The following ABHD18 variants were observed in gnomAD, a reference collection of about 807,000 sequenced individuals.
ABHD18 encodes cardiolipin-specific deacylase, mitochondrial.
ABHD18 carries 55 observed loss-of-function variants against 65.9 expected under a neutral mutation model. The observed-to-expected ratio is 0.84, with a 90% CI of 0.67 to 1.05. The LOEUF (loss-of-function observed/expected upper bound fraction) is 1.05, where lower values mean the gene tolerates loss of function less well. Ranked by LOEUF, ABHD18 falls within the 50% of genes least tolerant of loss-of-function variation. ABHD18 has a pLI of 0.00. For missense variants in ABHD18, 533 were observed against 558.5 expected, an observed-to-expected ratio of 0.95 and a Z score of 0.46; for synonymous variants, 181 against 180.2, an observed-to-expected ratio of 1.00 and a Z score of -0.04.
intron 1 of ABHD18, among the ~76,000 whole-genome samples, chr4:127,967,407 G>GA (rs1441479472): frequency 1.3e-5 from 2 of 152,132 alleles, no homozygotes; most frequent in Admixed American, 6.6e-5. Flanking sequence ...CTTCTTATGG[G>GA]AAAAAATGGC....
In ABHD18 at chr4:127,983,022, TG is replaced by T; in HGVS notation, c.71del (p.Gly24GlufsTer15). On this transcript the variant is annotated frameshift_variant, in exon 2 of 13. Transcript: ENST00000645843. LOFTEE classifies it high-confidence loss of function. Reference protein sequence around the residue: ...LLLTKLFIRGWGRPEDLKRLF... With the variant: ...LLLTKLFIRGXGRPEDLKRLF... ...CCTAACAAAACTTTTTATCAGAGGA[TG>T]GGGAAGGCCAGAAGATCTCAAAAGG... The T allele has an allele frequency of 1.3e-6, 2 of 1,559,640 alleles. No individual in the cohort carries two copies. Among genetic ancestry groups the T allele is most frequent in the Non-Finnish European group, 1.7e-6 (2 of 1,150,604 alleles).
chr4:127,973,571 T>A (rs1747268917), intron 1 of ABHD18, among the ~76,000 whole-genome samples: 1 of 152,052 alleles, frequency 6.6e-6, no homozygotes, highest in South Asian at 2.1e-4. Flanking sequence ...GTGATCCCCT[T>A]CCTTGAGTTT....
intron 1 of ABHD18, among the ~76,000 whole-genome samples, chr4:127,978,324 TA>T (rs1456969525): frequency 6.6e-6 from 1 of 152,022 alleles, no homozygotes; most frequent in African/African-American, 2.4e-5. Context: ...AAATGGTTAG[TA>T]AAGAGAAGAA....
intron 1 of ABHD18, among the ~76,000 whole-genome samples, chr4:127,973,161 AC>A (rs1299259105): frequency 6.6e-6 from 1 of 151,992 alleles, no homozygotes; most frequent in African/African-American, 2.4e-5. Context: ...CTACACAGGC[AC>A]ACACCACCAC....
chr4:127,998,634 G>A (rs1033858097), intron 4 of ABHD18, among the ~76,000 whole-genome samples: 3 of 151,380 alleles, frequency 2.0e-5, no homozygotes, highest in Non-Finnish European at 4.4e-5. Flanking sequence ...AGCCTCCCAA[G>A]TAGCTGGGAC....
At chr4:128,006,040 G>T (rs192834339) in intron 4 of ABHD18, among the ~76,000 whole-genome samples, 1 of 152,066 alleles carries the variant, frequency 6.6e-6, no homozygotes, top group East Asian at 1.9e-4. Flanking sequence ...GCCCTAATTT[G>T]GCTTATGCTT....
Position 127,984,218 on chromosome 4 carries a change from A to G in ABHD18, c.93-121A>G, listed in dbSNP as rs1301314141. 14 of 527,996 alleles carry G rather than the reference A, an allele frequency of 2.7e-5. No homozygotes were observed. In the East Asian group the frequency reaches 4.2e-4, roughly 16 times the overall value. The allele number at this position is 527,996 out of a possible 1,614,324, so 32.7% of individuals were successfully genotyped here. On this transcript the variant is annotated intron_variant, in intron 2 of 12. Coordinates refer to ENST00000645843, the MANE Select transcript of ABHD18 (RefSeq NM_001358451.3). ...CTTCAGTGATCAAAATTAAATTTTA[A>G]TATGGCTTATGAACTGGATTTGCTA...
chr4:128,022,312 A>G (rs562668584), intron 10 of ABHD18, among the ~76,000 whole-genome samples: 483 of 152,328 alleles, frequency 3.2e-3, no homozygotes, highest in Non-Finnish European at 5.6e-3. Flanking sequence ...AATTTATTTC[A>G]TGAAGAATTT....
chr4:128,008,390 G>T (rs1471469697), intron 4 of ABHD18, among the ~76,000 whole-genome samples: 2 of 142,906 alleles, frequency 1.4e-5, no homozygotes. Context: ...TCCTGCCTCA[G>T]CCTCCTGAGT....
chr4:128,018,469 C>CA (rs1190604585), intron 8 of ABHD18, among the ~76,000 whole-genome samples: 5 of 151,476 alleles, frequency 3.3e-5, no homozygotes, highest in South Asian at 2.1e-4. Context: ...CCTGTCTCTA[C>CA]AAAAAAAATT....
chr4:128,024,164 C>A (rs543808478), intron 10 of ABHD18, among the ~76,000 whole-genome samples: 2 of 152,250 alleles, frequency 1.3e-5, no homozygotes, highest in African/African-American at 4.8e-5. Flanking sequence ...TGAGTGCCTT[C>A]TTGCTGCATT....
At chr4:128,011,427 C>A (rs1040561192) in intron 6 of ABHD18, among the ~76,000 whole-genome samples, 1 of 150,446 alleles carries the variant, frequency 6.6e-6, no homozygotes, top group African/African-American at 2.4e-5. Flanking sequence ...GGATTACAGG[C>A]GTGAGCCACC....
rs1279946828 is a variant in ABHD18, at chr4:128,005,240, T to C, written c.279-3680T>C. On this transcript the variant is annotated intron_variant, in intron 4 of 12. Transcript: ENST00000645843. Reference sequence around the variant, plus strand: ...GAGACTCTGTCTCAAAAAAAAATTGTACATATCCAAAACATGTTGAAACTT... The same window carrying C: ...GAGACTCTGTCTCAAAAAAAAATTGCACATATCCAAAACATGTTGAAACTT... Among the ~76,000 whole-genome samples, 8 of 152,172 alleles carry C rather than the reference T, an allele frequency of 5.3e-5. No homozygotes were observed. The East Asian group carries it at 1.5e-3, about 29-fold the overall frequency.
intron 2 of ABHD18, among the ~76,000 whole-genome samples, chr4:127,983,372 A>C (rs569238117): frequency 5.3e-5 from 8 of 152,356 alleles, no homozygotes; most frequent in Admixed American, 5.2e-4. Context: ...GTCTTCTTAG[A>C]TAACCCGAAT....
chr4:127,967,814 AGAG>A (rs1745946342), intron 1 of ABHD18, among the ~76,000 whole-genome samples: 1 of 152,136 alleles, frequency 6.6e-6, no homozygotes, highest in Non-Finnish European at 1.5e-5. Context: ...CCCATGGAAA[AGAG>A]GAGCTAAATT....
intron 1 of ABHD18, among the ~76,000 whole-genome samples, chr4:127,970,902 CTG>C (rs772929628): frequency 3.3e-5 from 5 of 152,026 alleles, no homozygotes; most frequent in Admixed American, 1.3e-4. Context: ...TGGTAAAACA[CTG>C]TCTCTACTAA....
At chr4:128,007,595 G>T (rs559513553) in intron 4 of ABHD18, among the ~76,000 whole-genome samples, 14 of 151,694 alleles carry the variant, frequency 9.2e-5, no homozygotes, top group Admixed American at 2.6e-4. Context: ...TGAAAAATTA[G>T]CTGGGCTTGG....
chr4:128,031,318 T>G (rs759907198), intron 12 of ABHD18: 31 of 152,574 alleles, frequency 2.0e-4, no homozygotes, highest in Non-Finnish European at 3.1e-4. Flanking sequence ...AAAAAAAAAG[T>G]AGCCGGGCAT....
At chr4:128,011,362 A>G (rs950136063) in intron 6 of ABHD18, among the ~76,000 whole-genome samples, 16 of 151,786 alleles carry the variant, frequency 1.1e-4, no homozygotes, top group Non-Finnish European at 1.9e-4. Flanking sequence ...GTTAGCCAGG[A>G]TGGTCTCGAT....
Sources: gnomAD v4.1 joint callset for allele counts (sites outside exome capture counted in the v4.1 genomes callset) on GRCh38, gnomAD v4.1.1 for gene constraint, MANE v1.5 for transcripts, NCBI Gene and HGNC (gene_info 2026-07-23, HGNC 2026-07-21) for gene names.